The following SMAP1 variants were observed in gnomAD, a reference collection of about 807,000 sequenced individuals.
SMAP1 encodes small ArfGAP 1.
A neutral mutation model predicts 58.5 loss-of-function variants in SMAP1; 24 were observed. The observed-to-expected ratio is 0.41, with a 90% CI of 0.30 to 0.58. The LOEUF (loss-of-function observed/expected upper bound fraction) is 0.58. Among genes scored for constraint, SMAP1 ranks in the 20% least tolerant of loss-of-function variants. The probability of loss-of-function intolerance (pLI) is 0.29; values close to 1 mark genes in which losing one functional copy is unlikely to be tolerated. For synonymous variants in SMAP1, 216 were observed against 196.6 expected (o/e 1.10, Z -0.82); for missense variants, 563 against 566.3 (o/e 0.99, Z 0.06).
chr6:70,849,733 AAC>A (rs1161039459), intron 7 of SMAP1, among the ~76,000 whole-genome samples: 2 of 152,220 alleles, frequency 1.3e-5, no homozygotes, highest in Non-Finnish European at 1.5e-5. Context: ...CTTGTGGTAA[AAC>A]ACACATAAAA....
chr6:70,732,923 G>A (rs1765483839), intron 2 of SMAP1, among the ~76,000 whole-genome samples: 1 of 152,012 alleles, frequency 6.6e-6, no homozygotes, highest in Non-Finnish European at 1.5e-5. Context: ...TTTCAGACAA[G>A]GCCCAGAAGT....
At chr6:70,713,125 G>A (rs984885004) in intron 1 of SMAP1, among the ~76,000 whole-genome samples, 25 of 152,132 alleles carry the variant, frequency 1.6e-4, no homozygotes, top group African/African-American at 5.8e-4. Context: ...GACATCCTTT[G>A]TAATGCTTCC....
intron 1 of SMAP1, among the ~76,000 whole-genome samples, chr6:70,724,342 G>C (rs945142142): frequency 1.3e-5 from 2 of 151,882 alleles, no homozygotes; most frequent in Non-Finnish European, 2.9e-5. Context: ...GACTACAGAC[G>C]CCTGCCACAT....
Position 70,692,563 on chromosome 6 carries a change from G to A in SMAP1, c.118+24422G>A, listed in dbSNP as rs1767214257. Among the ~76,000 whole-genome samples the A allele has an allele frequency of 3.3e-5, 5 of 152,312 alleles. No homozygotes were observed. The Middle Eastern group carries it at 0.01, about 311-fold the overall frequency. On this transcript the variant is annotated intron_variant, in intron 1 of 10. Transcript: ENST00000370455. The stretch of plus-strand genomic sequence containing the variant: ...TCATAGTTTGAGGTCTTAGATTTAA[G>A]CCTTTAATCTATTTTGACTTGAATT...
At chr6:70,832,953 C>T (rs1044482194) in intron 6 of SMAP1, among the ~76,000 whole-genome samples, 11 of 152,124 alleles carry the variant, frequency 7.2e-5, no homozygotes, top group African/African-American at 2.7e-4. Context: ...TATTATTACT[C>T]ATCTAGGACT....
chr6:70,856,886 A>G lies in SMAP1; in HGVS notation c.817A>G (p.Thr273Ala), dbSNP rs777092488. Residue 273 changes from threonine (T) to alanine (A), a missense_variant, in exon 9 of 11, where the codon ACC becomes GCC. Coordinates refer to ENST00000370455, the MANE Select transcript of SMAP1 (RefSeq NM_001044305.3). ...GACACCCTCTGCACCAGCAGCTGCAACCCTGTCTACAGTAACATCTGGGGA... is the reference window on the plus strand; with the variant it reads ...GACACCCTCTGCACCAGCAGCTGCAGCCCTGTCTACAGTAACATCTGGGGA... The part of the protein sequence containing the change: ...QGTPSAPAAA[T>A]LSTVTSGDLD... 6.2e-7 allele frequency: 1 copy of G among 1,613,402 alleles called. No individual in the cohort carries two copies. The highest frequency in any genetic ancestry group is 1.6e-4 in the Middle Eastern group (1 of 6,082).
intron 7 of SMAP1, among the ~76,000 whole-genome samples, chr6:70,842,830 C>T (rs181190110): frequency 1.4e-4 from 22 of 152,264 alleles, no homozygotes; most frequent in African/African-American, 5.3e-4. Flanking sequence ...TTATGGCCAA[C>T]ACATGGAAGG....
At chr6:70,827,521 A>G (rs188576261) in intron 6 of SMAP1, among the ~76,000 whole-genome samples, 78 of 152,342 alleles carry the variant, frequency 5.1e-4, no homozygotes, top group African/African-American at 1.6e-3. Flanking sequence ...GAGTATGGCT[A>G]AATGGGTAGA....
chr6:70,736,076 GATATT>G (rs1001139009), intron 2 of SMAP1, among the ~76,000 whole-genome samples: 3 of 151,924 alleles, frequency 2.0e-5, no homozygotes, highest in Non-Finnish European at 2.9e-5. Context: ...CTTATAAACT[GATATT>G]ATATGTACCA....
intron 1 of SMAP1, among the ~76,000 whole-genome samples, chr6:70,721,344 C>G (rs952305818): frequency 1.3e-5 from 2 of 152,184 alleles, no homozygotes; most frequent in African/African-American, 4.8e-5. Flanking sequence ...CTGCCAATCT[C>G]TATGCTAAAA....
intron 2 of SMAP1, among the ~76,000 whole-genome samples, chr6:70,744,597 AGTC>A (rs749591823): frequency 6.6e-6 from 1 of 152,128 alleles, no homozygotes; most frequent in African/African-American, 2.4e-5. Flanking sequence ...GTTGGTTCCA[AGTC>A]TTTGTTATTG....
intron 1 of SMAP1, among the ~76,000 whole-genome samples, chr6:70,680,724 T>TG (rs1203418654): frequency 1.4e-5 from 2 of 142,216 alleles, no homozygotes; most frequent in Non-Finnish European, 3.1e-5. Flanking sequence ...TTTTTTTTTT[T>TG]TTTTTTTTTT....
intron 6 of SMAP1, among the ~76,000 whole-genome samples, chr6:70,829,164 T>C (rs1770258986): frequency 6.6e-6 from 1 of 152,220 alleles, no homozygotes; most frequent in African/African-American, 2.4e-5. Flanking sequence ...ACTTTTCATG[T>C]GGTCTTTATA....
intron 6 of SMAP1, among the ~76,000 whole-genome samples, chr6:70,835,141 A>G (rs1284867988): frequency 6.6e-6 from 1 of 151,146 alleles, no homozygotes; most frequent in African/African-American, 2.4e-5. Flanking sequence ...AGTCCCAGCT[A>G]CTTGGGAGGC....
intron 6 of SMAP1, among the ~76,000 whole-genome samples, chr6:70,815,990 G>A (rs1314679332): frequency 1.3e-5 from 2 of 152,218 alleles, no homozygotes; most frequent in East Asian, 3.9e-4. Flanking sequence ...AAGAACTAGT[G>A]ATTAAAAGGG....
intron 10 of SMAP1, chr6:70,859,725 A>C (rs1000567722): frequency 4.9e-4 from 93 of 191,020 alleles, no homozygotes; most frequent in African/African-American, 2.1e-3. Flanking sequence ...TAAATTTTAG[A>C]TGTTTATGTT....
chr6:70,741,545 C>T (rs966124209), intron 2 of SMAP1, among the ~76,000 whole-genome samples: 1 of 152,290 alleles, frequency 6.6e-6, no homozygotes, highest in Middle Eastern at 3.4e-3. Context: ...CAGGGTATAG[C>T]CTCCCTCCTG....
At chr6:70,724,133 A>G (rs1768654784) in intron 1 of SMAP1, among the ~76,000 whole-genome samples, 1 of 146,142 alleles carries the variant, frequency 6.8e-6, no homozygotes, top group Non-Finnish European at 1.5e-5. Flanking sequence ...TTGCTGGGGT[A>G]TTTAAGGTTT....
intron 10 of SMAP1, 125 bp from the exon 11 acceptor site, chr6:70,860,075 T>C (rs1771642866): frequency 9.3e-7 from 1 of 1,074,314 alleles, no homozygotes; most frequent in Non-Finnish European, 1.3e-6. Context: ...TATGGTACTC[T>C]GTTTTTATTC....
Sources: gnomAD v4.1 joint callset for allele counts (sites outside exome capture counted in the v4.1 genomes callset) on GRCh38, gnomAD v4.1.1 for gene constraint, MANE v1.5 for transcripts, NCBI Gene and HGNC (gene_info 2026-07-23, HGNC 2026-07-21) for gene names.